The following PARVG variants were observed in gnomAD, a reference collection of about 807,000 sequenced individuals.
The protein encoded by PARVG is parvin gamma.
PARVG carries 36 observed loss-of-function variants against 44.4 expected under a neutral mutation model. The observed-to-expected ratio is 0.81, with a 90% CI of 0.62 to 1.07. The LOEUF is 1.07. Ranked by LOEUF, PARVG falls within the 50% of genes least tolerant of loss-of-function variation. The probability of loss-of-function intolerance (pLI) is 0.00; values close to 1 mark genes in which losing one functional copy is unlikely to be tolerated. For missense variants in PARVG, 407 were observed against 407.4 expected, an observed-to-expected ratio of 1.00 and a Z score of 0.01; for synonymous variants, 170 against 174.1, an observed-to-expected ratio of 0.98 and a Z score of 0.19.
chr22:44,186,502 A>G, intron 4 of PARVG: 1 of 467,250 alleles, frequency 2.1e-6, no homozygotes, highest in Admixed American at 2.4e-5. Context: ...CCATACCCAG[A>G]GGCTTTGTGG....
At chr22:44,185,903 T>C (rs1223494128) in intron 4 of PARVG, 31 bp downstream of exon 4, 9 of 1,597,674 alleles carry the variant, frequency 5.6e-6, no homozygotes, top group Non-Finnish European at 7.7e-6. Flanking sequence ...CTGACTTCCC[T>C]GGGTGCCTCT....
intron 1 of PARVG, 31 bp downstream of exon 1, chr22:44,181,216 A>G (rs1474748642): frequency 3.6e-6 from 2 of 552,886 alleles, no homozygotes; most frequent in Middle Eastern, 8.9e-4. Context: ...GAGACAGACC[A>G]CGCACAGCCT....
chr22:44,203,296 T>C (rs1340575398), intron 12 of PARVG, among the ~76,000 whole-genome samples: 1 of 152,202 alleles, frequency 6.6e-6, no homozygotes, highest in African/African-American at 2.4e-5. Flanking sequence ...TTCCAAAACA[T>C]TGGTCCCAGG....
chr22:44,205,649 G>C, intron 12 of PARVG, 108 bp from the exon 13 acceptor site: 2 of 1,334,630 alleles, frequency 1.5e-6, no homozygotes, highest in Non-Finnish European at 2.1e-6. Context: ...GGGAGTTTAG[G>C]CTCATGATGG....
chr22:44,173,309 T>G (rs1222306646), intron 1 of PARVG: 2 of 921,964 alleles, frequency 2.2e-6, no homozygotes, highest in African/African-American at 3.5e-5. Flanking sequence ...CTTTTCATGA[T>G]GTGACGTCAC....
At chr22:44,191,288 C>T (rs994955680) in intron 7 of PARVG, among the ~76,000 whole-genome samples, 16 of 151,896 alleles carry the variant, frequency 1.1e-4, no homozygotes, top group African/African-American at 3.1e-4. Flanking sequence ...ACCCCAGCCT[C>T]GGGTCCCTCA....
At chr22:44,180,577 A>G (rs1037644458), upstream of PARVG, among the ~76,000 whole-genome samples, 5 of 152,208 alleles carry the variant, frequency 3.3e-5, no homozygotes, top group Non-Finnish European at 1.5e-5. Context: ...CGGGCACTTC[A>G]GAATGGCAGG....
Position 44,196,329 on chromosome 22 carries a change from T to C in PARVG, c.643-18T>C, listed in dbSNP as rs370730191. 8 of 1,614,216 alleles carry C rather than the reference T, an allele frequency of 5.0e-6. 1 individual carries two copies. The highest frequency in any genetic ancestry group is 6.8e-6 in the Non-Finnish European group (8 of 1,180,020). ...ATCACACCTGCTGTGTGCTAGGCCC[T>C]TGTTCTTCCCTGGTTAGGCCATCGT... is the stretch of plus-strand genomic sequence containing the variant. On this transcript the variant is annotated intron_variant, in intron 10 of 13. Transcript: ENST00000444313.
chr22:44,206,276 C>A, intron 13 of PARVG, 41 bp from the exon 14 acceptor site: 1 of 1,472,242 alleles, frequency 6.8e-7, no homozygotes. Flanking sequence ...GTCACTGCCA[C>A]CCAGGCCTGA....
At chr22:44,205,443 CCTT>C (rs1420473779) in intron 12 of PARVG, among the ~76,000 whole-genome samples, 1 of 152,244 alleles carries the variant, frequency 6.6e-6, no homozygotes, top group Non-Finnish European at 1.5e-5. Flanking sequence ...TGGGTATCCT[CCTT>C]GGCGATTGCC....
intron 1 of PARVG, 76 bp from the exon 2 acceptor site, chr22:44,181,666 G>C (rs2054380321): frequency 1.0e-6 from 1 of 973,882 alleles, no homozygotes; most frequent in African/African-American, 1.8e-5. Flanking sequence ...GGGCGCTGGG[G>C]CTCCGGGCAG....
chr22:44,202,628 T>C (rs2054724943), intron 12 of PARVG, among the ~76,000 whole-genome samples: 1 of 152,248 alleles, frequency 6.6e-6, no homozygotes, highest in Non-Finnish European at 1.5e-5. Context: ...CAGCATATTG[T>C]GGGCAATCTC....
intron 1 of PARVG, among the ~76,000 whole-genome samples, chr22:44,175,685 G>T (rs6006495): frequency 0.23 from 34,201 of 151,808 alleles, 4,032 homozygotes; most frequent in African/African-American, 0.27. Flanking sequence ...CGTTGGGTGT[G>T]GGGGGGTGGG....
intron 4 of PARVG, chr22:44,187,507 C>T (rs1242405298): frequency 3.8e-6 from 2 of 533,024 alleles, no homozygotes; most frequent in Non-Finnish European, 6.8e-6. Flanking sequence ...GGTAGTACCC[C>T]ACTTCCTGGT....
chr22:44,191,917 C>T, intron 7 of PARVG, 132 bp from the exon 8 acceptor site: 1 of 1,027,940 alleles, frequency 9.7e-7, no homozygotes, highest in East Asian at 2.5e-5. Context: ...CTCAAGACTC[C>T]TGGGGAAGAA....
At chr22:44,180,889 G>A (rs888525061), upstream of PARVG, 1 of 985,120 alleles carries the variant, frequency 1.0e-6, no homozygotes, top group African/African-American at 1.7e-5. Flanking sequence ...TGTTGCTAGG[G>A]AAACTCACCA....
upstream of PARVG, among the ~76,000 whole-genome samples, chr22:44,179,034 CG>C (rs1277147536): frequency 3.3e-5 from 5 of 151,656 alleles, no homozygotes; most frequent in Non-Finnish European, 7.4e-5. This position sits in a 1 kb window ranked among gnomAD's most constrained non-coding sequence, Gnocchi z 4.2. Context: ...TAAAAATACA[CG>C]TAACATAAAA....
At chr22:44,193,706 C>G in intron 8 of PARVG, 95 bp from the exon 9 acceptor site, 1 of 1,504,858 alleles carries the variant, frequency 6.6e-7, no homozygotes, top group Non-Finnish European at 9.0e-7. Flanking sequence ...TCTTTGCAAC[C>G]TTGCCAGCAC....
At chr22:44,203,291 A>G (rs138642963) in intron 12 of PARVG, among the ~76,000 whole-genome samples, 11 of 152,298 alleles carry the variant, frequency 7.2e-5, no homozygotes, top group Non-Finnish European at 1.5e-4. Context: ...AGTGTTTCCA[A>G]AACATTGGTC....
Sources: allele counts gnomAD v4.1 joint callset (sites outside exome capture counted in the v4.1 genomes callset), GRCh38; gene constraint gnomAD v4.1.1; non-coding constraint Gnocchi (gnomAD v3.1); transcripts MANE v1.5; gene names NCBI Gene and HGNC (gene_info 2026-07-23, HGNC 2026-07-21).